The following COA1 variants were observed in gnomAD, a reference collection of about 807,000 sequenced individuals.
COA1 encodes cytochrome c oxidase assembly factor 1 homolog.
In COA1, 13 loss-of-function variants were observed where a neutral mutation model predicts 16.0. The ratio of observed to expected loss-of-function variants is 0.81; its 90% CI spans 0.53 to 1.29. The LOEUF (loss-of-function observed/expected upper bound fraction) is 1.29, where lower values mean the gene tolerates loss of function less well. Ranked by LOEUF, COA1 falls within the 50% of genes most tolerant of loss-of-function variation. The pLI, the probability that COA1 is intolerant of heterozygous loss-of-function variation, is 0.00. For synonymous variants in COA1, 65 were observed against 65.7 expected, an observed-to-expected ratio of 0.99 and a Z score of 0.05; for missense variants, 179 against 177.0, an observed-to-expected ratio of 1.01 and a Z score of -0.06.
downstream of COA1, chr7:43,638,939 A>C (rs1232333340): frequency 6.6e-6 from 1 of 152,304 alleles, no homozygotes; most frequent in Non-Finnish European, 1.5e-5. Flanking sequence ...TACACATATA[A>C]ATTTTCTAAG....
chr7:43,626,266 C>T (rs2084526584), intron 6 of COA1: 1 of 152,204 alleles, frequency 6.6e-6, no homozygotes, highest in South Asian at 2.1e-4. Context: ...AAAATGACAG[C>T]ACCTAACCAC....
chr7:43,658,353 T>A (rs1457644387), intron 1 of COA1, among the ~76,000 whole-genome samples: 1 of 149,618 alleles, frequency 6.7e-6, no homozygotes, highest in Non-Finnish European at 1.5e-5. Context: ...AGCGAGACTG[T>A]CTCAAAAAAA....
chr7:43,670,635 T>C (rs911789396), intron 1 of COA1, among the ~76,000 whole-genome samples: 1 of 152,158 alleles, frequency 6.6e-6, no homozygotes, highest in African/African-American at 2.4e-5. Flanking sequence ...AAATATTAAC[T>C]ATAGACATGG....
intron 1 of COA1, among the ~76,000 whole-genome samples, chr7:43,675,151 T>C (rs1165761756): frequency 1.3e-5 from 2 of 152,136 alleles, no homozygotes; most frequent in African/African-American, 4.8e-5. Flanking sequence ...CAAAACTATT[T>C]CAAGCAATAG....
At chr7:43,624,864 T>TCAA (rs1441141073) in intron 6 of COA1, 1 of 1,555,256 alleles carries the variant, frequency 6.4e-7, no homozygotes, top group Non-Finnish European at 8.7e-7. Context: ...CTTTAGAACT[T>TCAA]CAAGATTTCT....
downstream of COA1, chr7:43,638,846 G>A (rs972345295): frequency 1.3e-4 from 20 of 152,182 alleles, no homozygotes; most frequent in African/African-American, 4.1e-4. Flanking sequence ...CAAATTGCTG[G>A]GATTACAGGC....
chr7:43,708,423 T>C (rs937799903), intron 1 of COA1, among the ~76,000 whole-genome samples: 30 of 149,934 alleles, frequency 2.0e-4, no homozygotes, highest in Non-Finnish European at 1.0e-4. Flanking sequence ...ATCGTACCAC[T>C]GCACTCCAGT....
intron 1 of COA1, chr7:43,650,791 A>T (rs1207129626): frequency 6.6e-6 from 1 of 151,550 alleles, no homozygotes; most frequent in African/African-American, 2.4e-5. Context: ...CAACTCTGAA[A>T]GCCACATTCA....
chr7:43,654,493 A>G (rs2091400645), intron 1 of COA1, among the ~76,000 whole-genome samples: 1 of 152,240 alleles, frequency 6.6e-6, no homozygotes, highest in African/African-American at 2.4e-5. Context: ...AGAAACTCAA[A>G]TAAGGAGTGA....
chr7:43,616,391 T>C (rs1314569526), intron 6 of COA1, among the ~76,000 whole-genome samples: 1 of 152,156 alleles, frequency 6.6e-6, no homozygotes, highest in African/African-American at 2.4e-5. Context: ...TTTTTTATAG[T>C]TATGTTTCTT....
chr7:43,617,039 C>T lies in COA1; in HGVS notation c.*134-7544G>A, dbSNP rs570388640. On this transcript the variant is annotated intron_variant and NMD_transcript_variant, in intron 6 of 6. Transcript: ENST00000415076. ...CTAGGCAAAGAAGAACAGAAAAAAG[C>T]GTTCTAGACTGAGGGAATACCATAT... 2.6e-5 allele frequency among the ~76,000 whole-genome samples: 4 copies of T among 152,284 alleles called. No homozygotes were observed. In the East Asian group the frequency reaches 5.8e-4, roughly 22 times the overall value.
chr7:43,624,630 G>C lies in COA1; in HGVS notation c.*133+14819C>G, dbSNP rs1043074470. On this transcript the variant is annotated intron_variant and NMD_transcript_variant, in intron 6 of 6. Transcript: ENST00000415076. Reference sequence around the variant, plus strand: ...ACTAGAAGAAGCAAATGCCCTCCAAGAAGGTCATTCTGTGCCTGAAATTAA... The same window carrying C: ...ACTAGAAGAAGCAAATGCCCTCCAACAAGGTCATTCTGTGCCTGAAATTAA... The C allele has an allele frequency of 2.5e-6, 4 of 1,614,096 alleles. No homozygotes were observed. The South Asian group carries it at 3.3e-5, about 13-fold the overall frequency.
intron 1 of COA1, among the ~76,000 whole-genome samples, chr7:43,686,305 C>CTTTTTTTTT (rs770784003): frequency 4.0e-5 from 5 of 126,074 alleles, no homozygotes; most frequent in Admixed American, 8.2e-5. Flanking sequence ...GGCTTTGTTT[C>CTTTTTTTTT]TTTTTTTTTT....
intron 1 of COA1, among the ~76,000 whole-genome samples, chr7:43,728,593 A>C: frequency 6.6e-6 from 1 of 152,228 alleles, no homozygotes; most frequent in East Asian, 1.9e-4. Context: ...AGCAGAATCA[A>C]GACCCTGTAG....
chr7:43,688,785 AAT>A, intron 1 of COA1, among the ~76,000 whole-genome samples: 1 of 152,244 alleles, frequency 6.6e-6, no homozygotes, highest in Non-Finnish European at 1.5e-5. Context: ...AAATGTACAT[AAT>A]AGCCAGTAGG....
At chr7:43,673,022 T>C (rs2093347743) in intron 1 of COA1, among the ~76,000 whole-genome samples, 1 of 152,132 alleles carries the variant, frequency 6.6e-6, no homozygotes, top group Non-Finnish European at 1.5e-5. Flanking sequence ...CAACTCAAGA[T>C]GGACTAAAGA....
chr7:43,638,319 A>G (rs1189263251), downstream of COA1, among the ~76,000 whole-genome samples: 1 of 151,986 alleles, frequency 6.6e-6, no homozygotes, highest in Non-Finnish European at 1.5e-5. Context: ...GACAACCACA[A>G]TGGCATTAAG....
intron 1 of COA1, among the ~76,000 whole-genome samples, chr7:43,691,445 G>GAAAGA (rs1554542810): frequency 1.4e-5 from 2 of 144,220 alleles, no homozygotes; most frequent in African/African-American, 5.6e-5. Flanking sequence ...AAGAAAGAAA[G>GAAAGA]AAAGAAAGAA....
chr7:43,644,799 C>CAGAGAGAGAGAGAGAGAGAGAGAG (rs10627279), intron 4 of COA1, among the ~76,000 whole-genome samples: 28 of 75,370 alleles, frequency 3.7e-4, no homozygotes, highest in South Asian at 1.4e-3. Flanking sequence ...GGCAGAGAGA[C>CAGAGAGAGAGAGAGAGAGAGAGAG]AGAGAGAGAG....
Sources: gnomAD v4.1 joint callset for allele counts (sites outside exome capture counted in the v4.1 genomes callset) on GRCh38, gnomAD v4.1.1 for gene constraint, MANE v1.5 for transcripts, NCBI Gene and HGNC (gene_info 2026-07-23, HGNC 2026-07-21) for gene names.